The following AFG1L variants were observed in gnomAD, a reference collection of about 807,000 sequenced individuals.
The protein encoded by AFG1L is AFG1-like ATPase.
Under a neutral mutation model 62.2 loss-of-function variants are expected in AFG1L, and 53 were observed. The ratio of observed to expected loss-of-function variants is 0.85; its 90% CI spans 0.68 to 1.07. AFG1L has a LOEUF of 1.07. Among genes scored for constraint, AFG1L ranks in the 50% least tolerant of loss-of-function variants. The pLI, the probability that AFG1L is intolerant of heterozygous loss-of-function variation, is 0.00. For synonymous variants in AFG1L, 228 were observed against 210.3 expected (o/e 1.08, Z -0.73); for missense variants, 555 against 590.5 (o/e 0.94, Z 0.62).
At chr6:108,467,834 T>C (rs1333803730) in intron 8 of AFG1L, among the ~76,000 whole-genome samples, 2 of 152,226 alleles carry the variant, frequency 1.3e-5, no homozygotes, top group Non-Finnish European at 2.9e-5. Flanking sequence ...GAATAACTTA[T>C]GGTTTCAGGA....
At chr6:108,304,477 C>A (rs1290322717) in intron 1 of AFG1L, among the ~76,000 whole-genome samples, 2 of 152,074 alleles carry the variant, frequency 1.3e-5, no homozygotes, top group Non-Finnish European at 2.9e-5. Flanking sequence ...GGTCAGTGGC[C>A]ACTGTTTATG....
intron 7 of AFG1L, among the ~76,000 whole-genome samples, chr6:108,414,188 C>G (rs917812708): frequency 6.6e-5 from 10 of 152,114 alleles, no homozygotes; most frequent in African/African-American, 2.4e-4. Context: ...TGGATAAATT[C>G]CTGGACACAT....
intron 6 of AFG1L, among the ~76,000 whole-genome samples, chr6:108,394,403 C>T (rs953913361): frequency 6.6e-6 from 1 of 152,038 alleles, no homozygotes; most frequent in African/African-American, 2.4e-5. Context: ...CCTGCCTTGG[C>T]CTCCCAAAGG....
chr6:108,478,241 TCC>T (rs1773196498), intron 10 of AFG1L, among the ~76,000 whole-genome samples: 1 of 152,098 alleles, frequency 6.6e-6, no homozygotes, highest in African/African-American at 2.4e-5. Context: ...ATTGAGACCA[TCC>T]TAGCTAACAC....
chr6:108,445,265 G>T (rs963580675), intron 7 of AFG1L, among the ~76,000 whole-genome samples: 3 of 152,164 alleles, frequency 2.0e-5, no homozygotes, highest in Admixed American at 2.0e-4. Flanking sequence ...TTAGGCTTTG[G>T]CTTAAGAGAA....
At chr6:108,450,185 C>G (rs1419967565) in intron 8 of AFG1L, among the ~76,000 whole-genome samples, 1 of 152,202 alleles carries the variant, frequency 6.6e-6, no homozygotes, top group Admixed American at 6.5e-5. Context: ...ACACTGACTT[C>G]CACAATGGTT....
chr6:108,370,429 T>C (rs1279679686), intron 6 of AFG1L, among the ~76,000 whole-genome samples: 1 of 152,010 alleles, frequency 6.6e-6, no homozygotes, highest in Non-Finnish European at 1.5e-5. Flanking sequence ...TTTTGCTCAC[T>C]AGGGAATATT....
At chr6:108,490,179 T>G (rs564883139) in intron 10 of AFG1L, among the ~76,000 whole-genome samples, 3 of 152,180 alleles carry the variant, frequency 2.0e-5, no homozygotes, top group Non-Finnish European at 4.4e-5. Flanking sequence ...GTCAACATGG[T>G]AAAACCCCAT....
chr6:108,517,059 T>A (rs1774924537), intron 11 of AFG1L, among the ~76,000 whole-genome samples: 1 of 152,088 alleles, frequency 6.6e-6, no homozygotes, highest in African/African-American at 2.4e-5. Flanking sequence ...ATCAATATCG[T>A]GAAAATGGCC....
rs534360899 is a variant in AFG1L, at chr6:108,301,808, A to G, written c.139+6590A>G. Among the ~76,000 whole-genome samples, 9 of 152,320 alleles carry G rather than the reference A, an allele frequency of 5.9e-5. No individual in the cohort carries two copies. The Middle Eastern group carries it at 0.01, about 173-fold the overall frequency. On this transcript the variant is annotated intron_variant, in intron 1 of 12. Coordinates refer to ENST00000368977, the MANE Select transcript of AFG1L (RefSeq NM_145315.5). ...GATTCCAATATGTGCCCAGGATTAG[A>G]ATATTGATCCAGATTTTTACATTAC...
At chr6:108,307,768 A>G (rs1777261397) in intron 1 of AFG1L, among the ~76,000 whole-genome samples, 1 of 152,226 alleles carries the variant, frequency 6.6e-6, no homozygotes, top group African/African-American at 2.4e-5. Context: ...GTTTTCTAAA[A>G]TGGTTATATC....
intron 3 of AFG1L, among the ~76,000 whole-genome samples, chr6:108,350,868 G>A (rs927880543): frequency 6.6e-6 from 1 of 152,200 alleles, no homozygotes; most frequent in African/African-American, 2.4e-5. Context: ...TTTAAGGTTA[G>A]GAGTTAGGAA....
chr6:108,505,662 A>T lies in AFG1L; in HGVS notation c.1063-4550A>T, dbSNP rs76523179. On this transcript the variant is annotated intron_variant, in intron 10 of 12. Coordinates refer to ENST00000368977, the MANE Select transcript of AFG1L (RefSeq NM_145315.5). ...AAAAGAGACATCTCAACCTTGAAAA[A>T]GAATCAGTGGAAATTCTAGAGCTAC... Among the ~76,000 whole-genome samples the T allele has an allele frequency of 7.2e-3, 1,090 of 152,340 alleles. 8 individuals are homozygous for T. The highest frequency in any genetic ancestry group is 0.011 in the Non-Finnish European group (726 of 68,030).
At chr6:108,441,341 A>AC (rs1171029745) in intron 7 of AFG1L, among the ~76,000 whole-genome samples, 1 of 152,156 alleles carries the variant, frequency 6.6e-6, no homozygotes, top group African/African-American at 2.4e-5. Flanking sequence ...AAGGCCTTTG[A>AC]CACATGAGTA....
intron 10 of AFG1L, among the ~76,000 whole-genome samples, chr6:108,491,238 A>G (rs1352590457): frequency 6.6e-6 from 1 of 152,228 alleles, no homozygotes; most frequent in African/African-American, 2.4e-5. Context: ...TTAAAATCAA[A>G]CAATTAAGTC....
Position 108,337,933 on chromosome 6 carries a change from C to A in AFG1L, c.364-9055C>A, listed in dbSNP as rs558557249. Among the ~76,000 whole-genome samples the A allele has an allele frequency of 2.0e-5, 3 of 152,250 alleles. 1 individual carries two copies. Among genetic ancestry groups the A allele is most frequent in the Non-Finnish European group, 4.4e-5 (3 of 68,030 alleles). The stretch of plus-strand genomic sequence containing the variant: ...CACTGCAGTGGCTCATGCCTGTAAT[C>A]CCAGCAATTTGGGAGGCTGAGGCGG... On this transcript the variant is annotated intron_variant, in intron 2 of 12. Coordinates refer to ENST00000368977, the MANE Select transcript of AFG1L (RefSeq NM_145315.5).
chr6:108,420,759 T>C lies in AFG1L; in HGVS notation c.807+18705T>C, dbSNP rs527439593. ...TTTTTCGCGACATATGTAAATTATA[T>C]ATTTGTAGTTATCTGGAAAAAAACA... On this transcript the variant is annotated intron_variant, in intron 7 of 12. Coordinates refer to ENST00000368977, the MANE Select transcript of AFG1L (RefSeq NM_145315.5). 2.2e-4 allele frequency among the ~76,000 whole-genome samples: 33 copies of C among 152,244 alleles called. 1 individual carries two copies. The highest frequency in any genetic ancestry group is 8.3e-4 in the South Asian group (4 of 4,828).
intron 7 of AFG1L, among the ~76,000 whole-genome samples, chr6:108,416,766 G>A (rs1770312705): frequency 6.6e-6 from 1 of 152,094 alleles, no homozygotes; most frequent in African/African-American, 2.4e-5. Context: ...ACACACTGGG[G>A]CCTGTCATGC....
At chr6:108,297,858 C>CAA (rs774320900) in intron 1 of AFG1L, among the ~76,000 whole-genome samples, 18 of 45,036 alleles carry the variant, frequency 4.0e-4, no homozygotes, top group Admixed American at 1.2e-3. Context: ...GAACCTGTCT[C>CAA]AAAAAAAAAA....
Sources: allele counts gnomAD v4.1 joint callset (sites outside exome capture counted in the v4.1 genomes callset), GRCh38; gene constraint gnomAD v4.1.1; transcripts MANE v1.5; gene names NCBI Gene and HGNC (gene_info 2026-07-23, HGNC 2026-07-21).